The following CLASP1 variants were observed in gnomAD, a reference collection of about 807,000 sequenced individuals.
The protein encoded by CLASP1 is cytoplasmic linker associated protein 1, also known as CLIP-associating protein 1.
In CLASP1, 38 loss-of-function variants were observed where a neutral mutation model predicts 192.3. The observed-to-expected ratio is 0.20, with a 90% CI of 0.15 to 0.26. The LOEUF (loss-of-function observed/expected upper bound fraction) is 0.26, where lower values mean the gene tolerates loss of function less well. Among genes scored for constraint, CLASP1 ranks in the 10% least tolerant of loss-of-function variants. CLASP1 has a pLI of 1.00. For missense variants in CLASP1, 1,433 were observed against 1,932.5 expected, an observed-to-expected ratio of 0.74 and a Z score of 4.85; for synonymous variants, 691 against 712.8, an observed-to-expected ratio of 0.97 and a Z score of 0.49.
intron 1 of CLASP1, among the ~76,000 whole-genome samples, chr2:121,622,070 C>G (rs2067463631): frequency 6.6e-6 from 1 of 151,806 alleles, no homozygotes; most frequent in Non-Finnish European, 1.5e-5. Context: ...AGGCTGGTCT[C>G]AAACTCTTGA....
chr2:121,427,274 A>C, intron 21 of CLASP1, 130 bp downstream of exon 21: 1 of 1,192,008 alleles, frequency 8.4e-7, no homozygotes, highest in Non-Finnish European at 1.2e-6. Flanking sequence ...ATTTGAACAC[A>C]AAGAAAAACG....
At chr2:121,467,712 T>G (rs2089925155) in intron 9 of CLASP1, among the ~76,000 whole-genome samples, 1 of 152,188 alleles carries the variant, frequency 6.6e-6, no homozygotes, top group Non-Finnish European at 1.5e-5. Flanking sequence ...GTCAGACGGA[T>G]AGATTGCAAA....
intron 2 of CLASP1, among the ~76,000 whole-genome samples, chr2:121,574,395 G>A (rs570431462): frequency 4.0e-4 from 61 of 151,772 alleles, no homozygotes; most frequent in African/African-American, 1.4e-3. Context: ...AGCACTTTGG[G>A]AGGCCAAGGT....
chr2:121,591,610 C>T (rs1042681151), intron 2 of CLASP1, among the ~76,000 whole-genome samples: 5 of 152,210 alleles, frequency 3.3e-5, no homozygotes, highest in African/African-American at 1.2e-4. Context: ...ACCTAGGAAA[C>T]GTGCTCAGCC....
chr2:121,430,536 A>G (rs1413600269), intron 19 of CLASP1, among the ~76,000 whole-genome samples: 1 of 152,144 alleles, frequency 6.6e-6, no homozygotes, highest in Admixed American at 6.5e-5. Context: ...TTTCTTTTTT[A>G]TTGTCTACAA....
intron 14 of CLASP1, among the ~76,000 whole-genome samples, chr2:121,455,248 T>C (rs2086384113): frequency 1.3e-5 from 2 of 152,222 alleles, no homozygotes; most frequent in South Asian, 4.1e-4. Flanking sequence ...TTCTTTTCTC[T>C]TTTTGTCTTT....
chr2:121,469,695 C>A, intron 9 of CLASP1, 113 bp downstream of exon 9: 2 of 976,648 alleles, frequency 2.0e-6, no homozygotes, highest in Non-Finnish European at 1.4e-6. Flanking sequence ...CAGAAACCTG[C>A]TGCATATGGG....
At chr2:121,574,732 T>C (rs983208764) in intron 2 of CLASP1, among the ~76,000 whole-genome samples, 5 of 146,580 alleles carry the variant, frequency 3.4e-5, no homozygotes, top group African/African-American at 1.3e-4. Flanking sequence ...AGGTCAGGAG[T>C]TCAAGACCAG....
intron 8 of CLASP1, among the ~76,000 whole-genome samples, chr2:121,476,504 C>T (rs959570806): frequency 2.6e-5 from 4 of 152,128 alleles, no homozygotes; most frequent in African/African-American, 7.2e-5. Flanking sequence ...ACTGTTCGCT[C>T]GGAAAATTTA....
intron 1 of CLASP1, among the ~76,000 whole-genome samples, chr2:121,608,956 T>A (rs1415334655): frequency 6.6e-6 from 1 of 152,214 alleles, no homozygotes; most frequent in Non-Finnish European, 1.5e-5. Context: ...TATAATACTA[T>A]CTCTAATTCT....
chr2:121,548,007 A>G (rs973282287), intron 2 of CLASP1, among the ~76,000 whole-genome samples: 3 of 152,232 alleles, frequency 2.0e-5, no homozygotes, highest in African/African-American at 4.8e-5. Context: ...AACTCCAGTA[A>G]CTGTCATATG....
intron 1 of CLASP1, among the ~76,000 whole-genome samples, chr2:121,616,874 A>G (rs765516372): frequency 6.6e-6 from 1 of 152,200 alleles, no homozygotes; most frequent in Non-Finnish European, 1.5e-5. Context: ...AAAAATCACA[A>G]AACTTTGTAG....
chr2:121,476,944 A>G (rs543870135), intron 8 of CLASP1, among the ~76,000 whole-genome samples: 1 of 152,316 alleles, frequency 6.6e-6, no homozygotes, highest in African/African-American at 2.4e-5. Context: ...CAGAGCTCCA[A>G]ACCTTTTGCA....
At chr2:121,510,970 G>A (rs987725784) in intron 7 of CLASP1, among the ~76,000 whole-genome samples, 8 of 152,076 alleles carry the variant, frequency 5.3e-5, no homozygotes, top group Non-Finnish European at 8.8e-5. Context: ...CAGGATGATG[G>A]GTTTGCAAGA....
chr2:121,561,970 G>A (rs1334022678), intron 2 of CLASP1, among the ~76,000 whole-genome samples: 2 of 152,186 alleles, frequency 1.3e-5, no homozygotes, highest in African/African-American at 4.8e-5. Context: ...TTACAAGAAA[G>A]GGGCTCAAAA....
chr2:121,547,146 TCTC>T (rs1200295232), intron 2 of CLASP1, among the ~76,000 whole-genome samples: 5 of 152,032 alleles, frequency 3.3e-5, no homozygotes, highest in African/African-American at 9.7e-5. Flanking sequence ...CATTCCCACA[TCTC>T]CTCATCGGCA....
intron 37 of CLASP1, among the ~76,000 whole-genome samples, chr2:121,353,282 G>C (rs370461166): frequency 7.2e-4 from 109 of 152,320 alleles, no homozygotes; most frequent in African/African-American, 2.5e-3. Flanking sequence ...AGTTGCTGGG[G>C]ATCGGGGGTG....
At chr2:121,495,489 C>G (rs971764215) in intron 8 of CLASP1, among the ~76,000 whole-genome samples, 1 of 151,278 alleles carries the variant, frequency 6.6e-6, no homozygotes, top group Non-Finnish European at 1.5e-5. Context: ...GGTGAAACCC[C>G]GTCTCTACTA....
At chr2:121,498,324 C>A (rs2093617560) in intron 8 of CLASP1, among the ~76,000 whole-genome samples, 1 of 151,720 alleles carries the variant, frequency 6.6e-6, no homozygotes, top group South Asian at 2.1e-4. Context: ...CAGGGCCACC[C>A]CACCACCCCC....
Sources: gnomAD v4.1 joint callset for allele counts (sites outside exome capture counted in the v4.1 genomes callset) on GRCh38, gnomAD v4.1.1 for gene constraint, MANE v1.5 for transcripts, NCBI Gene and HGNC (gene_info 2026-07-23, HGNC 2026-07-21) for gene names.